ESRRA: variants seen among roughly 807,000 people sequenced by gnomAD.
ESRRA encodes the protein estrogen related receptor alpha.
A neutral mutation model predicts 35.6 loss-of-function variants in ESRRA; 7 were observed. That is an observed-to-expected ratio of 0.20 (90% CI 0.11 to 0.37). ESRRA has a LOEUF of 0.37. ESRRA is among the 10% of genes least tolerant of loss of function. ESRRA has a pLI of 1.00. For missense variants in ESRRA, 378 were observed against 561.7 expected, an observed-to-expected ratio of 0.67 and a Z score of 3.31; for synonymous variants, 223 against 246.9, an observed-to-expected ratio of 0.90 and a Z score of 0.91.
Position 64,314,862 on chromosome 11 carries a change from C to T in ESRRA, c.693C>T (p.Leu231=). ...CAGCCGTGGCTACCCTCTGTGACCT[C>T]TTTGACCGAGAGATTGTGGTCACCA... ...HLPAVATLCD[L]FDREIVVTIS... The change falls in exon 5 of 7, where the codon CTC becomes CTT. Residue 231 remains leucine (L), a synonymous_variant. Coordinates refer to ENST00000000442, the MANE Select transcript of ESRRA (RefSeq NM_004451.5). 1 of 1,612,494 alleles carries T rather than the reference C, an allele frequency of 6.2e-7. No homozygotes were observed. Among genetic ancestry groups the T allele is most frequent in the Non-Finnish European group, 8.5e-7 (1 of 1,180,038 alleles).
rs1435222449 is a variant in ESRRA, at chr11:64,316,241, G to C, written c.*275G>C. Reference sequence around the variant, plus strand: ...TGTAGGGGGCCTTGCGGAAGCCATAGGGGGCTGCACGGGATGCGTGGGAGG... The same window carrying C: ...TGTAGGGGGCCTTGCGGAAGCCATACGGGGCTGCACGGGATGCGTGGGAGG... On this transcript the variant is annotated 3_prime_UTR_variant, in exon 7 of 7. Coordinates refer to ENST00000000442, the MANE Select transcript of ESRRA (RefSeq NM_004451.5). 1.0e-5 allele frequency: 4 copies of C among 394,094 alleles called. No individual in the cohort carries two copies. The highest frequency in any genetic ancestry group is 4.2e-5 in the Admixed American group (1 of 24,072). The allele number at this position is 394,094 out of a possible 1,614,324, so 24.4% of individuals were successfully genotyped here. A position where few individuals can be genotyped will look rare whatever the true frequency, so the allele number is the denominator to read the frequency against.
In ESRRA at chr11:64,314,813, C is replaced by A; in HGVS notation, c.644C>A (p.Pro215His). Residue 215 changes from proline (P) to histidine (H), a missense_variant, in exon 5 of 7, where the codon CCC becomes CAC. Pro to His is a moderately conservative substitution (Grantham distance 77). Around this residue, in one of 4 missense-constraint regions of ESRRA, gnomAD observed 284 missense variants for 411.7 expected, o/e 0.69. Transcript: ENST00000000442. The stretch of plus-strand genomic sequence containing the variant: ...GAGAAGCTCTATGCCATGCCTGACC[C>A]CGCAGGCCCTGATGGGCACCTCCCA... ...EPEKLYAMPD[P>H]AGPDGHLPAV... 6.2e-7 allele frequency: 1 copy of A among 1,612,436 alleles called. No individual in the cohort carries two copies. The highest frequency in any genetic ancestry group is 8.5e-7 in the Non-Finnish European group (1 of 1,179,998).
intron 6 of ESRRA, 38 bp from the exon 7 acceptor site, chr11:64,315,669 A>T (rs1565378234): frequency 3.1e-6 from 5 of 1,608,100 alleles, no homozygotes; most frequent in Non-Finnish European, 4.3e-6. Flanking sequence ...CTTGCCAGAG[A>T]TAGCCCAGGC....
chr11:64,310,237 G>A (rs1477648527), intron 2 of ESRRA, among the ~76,000 whole-genome samples: 2 of 134,372 alleles, frequency 1.5e-5, no homozygotes, highest in Non-Finnish European at 3.2e-5. Flanking sequence ...ATTCCAGCAC[G>A]TTTTTTTTTT....
chr11:64,307,910 T>C (rs1422285600), intron 2 of ESRRA, among the ~76,000 whole-genome samples: 1 of 152,104 alleles, frequency 6.6e-6, no homozygotes, highest in Non-Finnish European at 1.5e-5. Flanking sequence ...TTTTTTTTTT[T>C]GAGACAGAGT....
In ESRRA at chr11:64,315,734, C is replaced by G. The variant is rs1341266067; in HGVS notation, c.1040C>G (p.Ala347Gly). Residue 347 changes from alanine to glycine, a missense_variant, in exon 7 of 7, where the codon GCT (alanine) becomes GGT (glycine). Coordinates refer to ENST00000000442, the MANE Select transcript of ESRRA (RefSeq NM_004451.5). ...TCTGTGCACATCGAAGATGCCGAGG[C>G]TGTGGAGCAGCTGCGAGAAGCTCTG... ...SDSVHIEDAE[A>G]VEQLREALHE... The G allele has an allele frequency of 1.2e-6, 2 of 1,613,964 alleles. No homozygotes were observed. Among genetic ancestry groups the G allele is most frequent in the East Asian group, 4.5e-5 (2 of 44,894 alleles).
chr11:64,310,246 T>C (rs977091379), intron 2 of ESRRA, among the ~76,000 whole-genome samples: 1 of 151,624 alleles, frequency 6.6e-6, no homozygotes, highest in African/African-American at 2.4e-5. Flanking sequence ...CGTTTTTTTT[T>C]TTTTTTTTGA....
In ESRRA at chr11:64,316,038, G is replaced by A. The variant is rs2035251023; in HGVS notation, c.*72G>A. The stretch of plus-strand genomic sequence containing the variant: ...TGGGGTCAGCCCCAAGGGCTGGGGC[G>A]GAGCTGGGGTCTGGGCAGTGCCACA... On this transcript the variant is annotated 3_prime_UTR_variant, in exon 7 of 7. Transcript: ENST00000000442. 12 of 1,495,172 alleles carry A rather than the reference G, an allele frequency of 8.0e-6. No individual in the cohort carries two copies. The highest frequency in any genetic ancestry group is 2.6e-5 in the South Asian group (2 of 75,754). 92.6% of individuals were successfully genotyped at this position (1,495,172 alleles called of 1,614,324 possible).
rs544336819 is a variant in ESRRA, at chr11:64,311,982, C to CTT, written c.326-1957_326-1956dup. On this transcript the variant is annotated intron_variant, in intron 2 of 6. Transcript: ENST00000000442. Reference sequence around the variant, plus strand: ...ATAGGCGTGAGCCACTGCGCCTGGCCTTTTTTTTTTTTTGGTACAGAGTTT... The same window carrying CTT: ...ATAGGCGTGAGCCACTGCGCCTGGCCTTTTTTTTTTTTTTTGGTACAGAGTTT... Among the ~76,000 whole-genome samples the CTT allele has an allele frequency of 2.7e-3, 188 of 68,408 alleles. 20 individuals carry two copies. The South Asian group carries it at 0.056, about 21-fold the overall frequency. The allele number at this position is 68,408 out of a possible 152,430, so 44.9% of individuals were successfully genotyped here.
In ESRRA at chr11:64,305,861, G is replaced by T. The variant is rs2035021217; in HGVS notation, c.-13+125G>T. On this transcript the variant is annotated intron_variant, in intron 1 of 6. Transcript: ENST00000000442. This position sits in a 1 kb window ranked among gnomAD's most constrained non-coding sequence, Gnocchi z 5.8. ...GGGGTCCGACTCTGGGGCCAGTCCG[G>T]GCCACGGTTGGGACCCAGTCGAGGG... is the stretch of plus-strand genomic sequence containing the variant. 1 of 152,286 alleles carries T rather than the reference G, an allele frequency of 6.6e-6. No homozygotes were observed. The highest frequency in any genetic ancestry group is 1.5e-5 in the Non-Finnish European group (1 of 67,950). 9.4% of individuals were successfully genotyped at this position (152,286 alleles called of 1,614,324 possible). A position where few individuals can be genotyped will look rare whatever the true frequency, so the allele number is the denominator to read the frequency against.
chr11:64,314,460 C>T (rs1450098173), intron 4 of ESRRA, 93 bp downstream of exon 4: 165 of 1,359,100 alleles, frequency 1.2e-4, no homozygotes, highest in Non-Finnish European at 1.5e-4. Context: ...ATTTCCCCTT[C>T]GTCTCTTCAC....
intron 2 of ESRRA, among the ~76,000 whole-genome samples, chr11:64,312,548 C>T (rs1301355396): frequency 2.6e-5 from 4 of 152,210 alleles, no homozygotes; most frequent in East Asian, 1.9e-4. Flanking sequence ...TTGGTCGTTG[C>T]GGGGCCCTGT....
chr11:64,307,218 C>A lies in ESRRA; in HGVS notation c.39C>A (p.Ile13=), dbSNP rs1489523517. The change falls in exon 2 of 7, where the codon ATC becomes ATA. Residue 13 remains isoleucine (I), a synonymous_variant. Coordinates refer to ENST00000000442, the MANE Select transcript of ESRRA (RefSeq NM_004451.5). Reference sequence around the variant, plus strand: ...TGGTGGGCATTGAGCCTCTCTACATCAAGGCAGAGCCGGCCAGCCCTGACA... The same window carrying A: ...TGGTGGGCATTGAGCCTCTCTACATAAAGGCAGAGCCGGCCAGCCCTGACA... ...SQVVGIEPLY[I]KAEPASPDSP... is the part of the protein sequence containing the mutation. The A allele has an allele frequency of 6.2e-7, 1 of 1,607,850 alleles. No homozygotes were observed. The highest frequency in any genetic ancestry group is 8.5e-7 in the Non-Finnish European group (1 of 1,176,078).
At chr11:64,311,266 G>A (rs2035133961) in intron 2 of ESRRA, among the ~76,000 whole-genome samples, 1 of 152,232 alleles carries the variant, frequency 6.6e-6, no homozygotes. Flanking sequence ...ACATAGCTGG[G>A]GCTGAAGCAG....
Position 64,315,048 on chromosome 11 carries a change from G to T in ESRRA, c.790G>T (p.Val264Leu). The T allele has an allele frequency of 6.2e-7, 1 of 1,609,106 alleles. No individual in the cohort carries two copies. The highest frequency in any genetic ancestry group is 8.5e-7 in the Non-Finnish European group (1 of 1,178,654). The change falls in exon 6 of 7, where the codon GTG becomes TTG. Residue 264 changes from valine to leucine, a missense_variant. Around this residue, in one of 4 missense-constraint regions of ESRRA, gnomAD observed 284 missense variants for 411.7 expected, o/e 0.69. Transcript: ENST00000000442. ...TGACCAGATGTCAGTACTGCAGAGCGTGTGGATGGAGGTGCTGGTGCTGGG... is the reference window on the plus strand; with the variant it reads ...TGACCAGATGTCAGTACTGCAGAGCTTGTGGATGGAGGTGCTGGTGCTGGG... ...LSDQMSVLQS[V>L]WMEVLVLGVA...
chr11:64,314,617 G>C (rs1390323582), intron 4 of ESRRA, 124 bp from the exon 5 acceptor site: 1 of 1,027,810 alleles, frequency 9.7e-7, no homozygotes, highest in Non-Finnish European at 1.4e-6. Flanking sequence ...CTCTTCCCTG[G>C]AGGGAAGTCA....
intron 6 of ESRRA, 75 bp downstream of exon 6, chr11:64,315,345 G>A: frequency 1.4e-6 from 2 of 1,456,944 alleles, no homozygotes; most frequent in Non-Finnish European, 1.8e-6. Flanking sequence ...CGGTAGCACA[G>A]CCCCATTTTG....
chr11:64,311,093 C>G (rs1759500998), intron 2 of ESRRA, among the ~76,000 whole-genome samples: 1 of 152,210 alleles, frequency 6.6e-6, no homozygotes, highest in South Asian at 2.1e-4. Flanking sequence ...CCCTTTAATT[C>G]TCACGACCCA....
chr11:64,311,906 A>G (rs1356256159), intron 2 of ESRRA, among the ~76,000 whole-genome samples: 1 of 150,622 alleles, frequency 6.6e-6, no homozygotes. Context: ...GCTGGTCTCA[A>G]ACTCCTCACC....
Sources: gnomAD v4.1 joint callset for allele counts (sites outside exome capture counted in the v4.1 genomes callset) on GRCh38, gnomAD v4.1.1 for gene constraint, gnomAD v4.1.1 regional missense constraint, Gnocchi (gnomAD v3.1) non-coding constraint, MANE v1.5 for transcripts, NCBI Gene and HGNC (gene_info 2026-07-23, HGNC 2026-07-21) for gene names.